ZMAT4: variants seen among roughly 807,000 people sequenced by gnomAD.
The protein encoded by ZMAT4 is zinc finger matrin-type 4.
A neutral mutation model predicts 28.7 loss-of-function variants in ZMAT4; 17 were observed. The observed-to-expected ratio is 0.59, with a 90% CI of 0.41 to 0.89. ZMAT4 has a LOEUF of 0.89. ZMAT4 is among the 40% of genes least tolerant of loss of function. The probability of loss-of-function intolerance (pLI) is 0.00; values close to 1 mark genes in which losing one functional copy is unlikely to be tolerated. For synonymous variants in ZMAT4, 117 were observed against 109.2 expected (o/e 1.07, Z -0.44); for missense variants, 240 against 283.8 (o/e 0.85, Z 1.11).
At chr8:40,814,372 A>G (rs1815449980) in intron 2 of ZMAT4, among the ~76,000 whole-genome samples, 1 of 152,234 alleles carries the variant, frequency 6.6e-6, no homozygotes, top group South Asian at 2.1e-4. Context: ...CTTGGGGGTC[A>G]GGAATGCATA....
At chr8:40,625,513 T>C (rs995811331) in intron 5 of ZMAT4, among the ~76,000 whole-genome samples, 4 of 152,072 alleles carry the variant, frequency 2.6e-5, no homozygotes, top group East Asian at 1.9e-4. Context: ...GTGGGTCTAT[T>C]TGGGAGCAGA....
rs568159236 is a variant in ZMAT4 at position 40,594,043 on chromosome 8, G to A, written c.578-12782C>T. On this transcript the variant is annotated intron_variant, in intron 5 of 6. Coordinates refer to ENST00000297737, the MANE Select transcript of ZMAT4 (RefSeq NM_024645.3). ...CCTTTAAAGATGAAATTTCAGGTGT[G>A]GCCAGTTAGGTTGGAGAGAGTTTCA... Among the ~76,000 whole-genome samples the A allele has an allele frequency of 2.6e-5, 4 of 152,274 alleles. No individual in the cohort carries two copies. The South Asian group carries it at 8.3e-4, about 32-fold the overall frequency.
At chr8:40,557,720 A>G (rs1196868279) in intron 6 of ZMAT4, among the ~76,000 whole-genome samples, 1 of 152,156 alleles carries the variant, frequency 6.6e-6, no homozygotes, top group Non-Finnish European at 1.5e-5. Context: ...ATTAGAGTGC[A>G]GTGCCTGCCC....
At chr8:40,822,029 G>A (rs1048382425) in intron 2 of ZMAT4, among the ~76,000 whole-genome samples, 1 of 152,182 alleles carries the variant, frequency 6.6e-6, no homozygotes, top group Admixed American at 6.5e-5. Flanking sequence ...AGTGTAATAT[G>A]CAAATATCTA....
intron 2 of ZMAT4, among the ~76,000 whole-genome samples, chr8:40,805,867 C>T (rs1382614250): frequency 1.3e-5 from 2 of 151,614 alleles, no homozygotes; most frequent in Middle Eastern, 3.4e-3. Flanking sequence ...TGCAGTGCAC[C>T]AGCATGGCAC....
chr8:40,626,584 C>T (rs1585778167), intron 5 of ZMAT4, among the ~76,000 whole-genome samples: 1 of 152,290 alleles, frequency 6.6e-6, no homozygotes, highest in Non-Finnish European at 1.5e-5. Flanking sequence ...CAAACACGCA[C>T]GATGTCTGGG....
At chr8:40,579,709 G>A (rs1340075060) in intron 6 of ZMAT4, among the ~76,000 whole-genome samples, 4 of 152,264 alleles carry the variant, frequency 2.6e-5, no homozygotes, top group South Asian at 2.1e-4. Flanking sequence ...CTCCTGCTTA[G>A]AAAACTGTTA....
intron 6 of ZMAT4, among the ~76,000 whole-genome samples, chr8:40,537,137 G>A (rs1405401948): frequency 1.3e-5 from 2 of 152,080 alleles, no homozygotes; most frequent in African/African-American, 4.8e-5. Context: ...AATGTACAGG[G>A]GAGAAAGATG....
At chr8:40,661,148 C>G (rs896296078) in intron 5 of ZMAT4, among the ~76,000 whole-genome samples, 1 of 152,090 alleles carries the variant, frequency 6.6e-6, no homozygotes, top group African/African-American at 2.4e-5. Flanking sequence ...TTGCCCAGGC[C>G]AGAGTGCAGT....
At position 40,605,453 on chromosome 8, in the gene ZMAT4, G is replaced by A. The variant is rs558461181; in HGVS notation, c.578-24192C>T. Among the ~76,000 whole-genome samples, 60 of 152,212 alleles carry A rather than the reference G, an allele frequency of 3.9e-4. 1 individual carries two copies. The South Asian group carries it at 0.011, about 29-fold the overall frequency. On this transcript the variant is annotated intron_variant, in intron 5 of 6. Transcript: ENST00000297737. ...CATTGTGAACTCAATGATCATTCAG[G>A]AGCAGGCTATTTAATTTTCATGTAT...
In ZMAT4 at chr8:40,897,232, T is replaced by C. The variant is rs149811596; in HGVS notation, c.-5+451A>G. On this transcript the variant is annotated intron_variant, in intron 1 of 6. Coordinates refer to ENST00000297737, the MANE Select transcript of ZMAT4 (RefSeq NM_024645.3). ...TTTGAGGAAGGACTCCAGTTGAAGG[T>C]CACAATAGTTTGGGGAAGGCAGATC... Among the ~76,000 whole-genome samples the C allele has an allele frequency of 1.9e-3, 295 of 152,068 alleles. 7 individuals carry two copies. In the East Asian group the frequency reaches 0.052, roughly 27 times the overall value.
chr8:40,619,074 A>G (rs1806113523), intron 5 of ZMAT4, among the ~76,000 whole-genome samples: 1 of 152,170 alleles, frequency 6.6e-6, no homozygotes, highest in Admixed American at 6.5e-5. Context: ...CCAATTCCTG[A>G]CGCATCATTG....
chr8:40,745,094 G>A (rs1812163756), intron 3 of ZMAT4, among the ~76,000 whole-genome samples: 1 of 152,222 alleles, frequency 6.6e-6, no homozygotes, highest in Non-Finnish European at 1.5e-5. Flanking sequence ...AAGGGACAAA[G>A]ATGAAGCCAG....
intron 2 of ZMAT4, among the ~76,000 whole-genome samples, chr8:40,788,949 C>A (rs1454016822): frequency 2.1e-5 from 3 of 143,576 alleles, no homozygotes; most frequent in Non-Finnish European, 4.5e-5. Flanking sequence ...ATTTATCATA[C>A]CTACAGAAAG....
At chr8:40,845,679 C>G (rs1017138291) in intron 1 of ZMAT4, among the ~76,000 whole-genome samples, 1 of 150,468 alleles carries the variant, frequency 6.6e-6, no homozygotes, top group African/African-American at 2.5e-5. Context: ...ACAGTGAAAA[C>G]CTGTGTTTGC....
At chr8:40,545,729 G>A (rs1373564715) in intron 6 of ZMAT4, among the ~76,000 whole-genome samples, 1 of 152,102 alleles carries the variant, frequency 6.6e-6, no homozygotes, top group Admixed American at 6.6e-5. Flanking sequence ...CCTTGCATAT[G>A]CCTTGATCTT....
At chr8:40,683,714 G>A (rs569471884) in intron 4 of ZMAT4, among the ~76,000 whole-genome samples, 5 of 152,274 alleles carry the variant, frequency 3.3e-5, no homozygotes, top group African/African-American at 1.2e-4. Context: ...ACATTCATTA[G>A]TGTAGTTATT....
chr8:40,717,467 C>T (rs187477505), intron 3 of ZMAT4, among the ~76,000 whole-genome samples: 454 of 152,152 alleles, frequency 3.0e-3, no homozygotes, highest in Non-Finnish European at 4.7e-3. Flanking sequence ...CCAGCCTTGG[C>T]AACACAGTGA....
chr8:40,701,039 A>G (rs1054945465), intron 3 of ZMAT4, among the ~76,000 whole-genome samples: 3 of 152,126 alleles, frequency 2.0e-5, no homozygotes, highest in Non-Finnish European at 4.4e-5. Context: ...GGAGGCAGGT[A>G]ACACAGGGAG....
Sources: gnomAD v4.1 joint callset for allele counts (sites outside exome capture counted in the v4.1 genomes callset) on GRCh38, gnomAD v4.1.1 for gene constraint, MANE v1.5 for transcripts, NCBI Gene and HGNC (gene_info 2026-07-23, HGNC 2026-07-21) for gene names.